The following PXDNL variants were observed in gnomAD, a reference collection of about 807,000 sequenced individuals.
PXDNL encodes the protein probable oxidoreductase PXDNL.
PXDNL carries 145 observed loss-of-function variants against 150.8 expected under a neutral mutation model. The observed-to-expected ratio is 0.96, with a 90% CI of 0.84 to 1.10. The LOEUF (loss-of-function observed/expected upper bound fraction) is 1.10, where lower values mean the gene tolerates loss of function less well. Ranked by LOEUF, PXDNL falls within the 50% of genes least tolerant of loss-of-function variation. The pLI is 0.00. For synonymous variants in PXDNL, 757 were observed against 725.7 expected (o/e 1.04, Z -0.69); for missense variants, 2,087 against 1,873.9 (o/e 1.11, Z -2.10).
chr8:51,425,396 G>A (rs16916243), intron 13 of PXDNL, among the ~76,000 whole-genome samples: 7,797 of 152,242 alleles, frequency 0.051, 337 homozygotes, highest in African/African-American at 0.11. Flanking sequence ...GAGATAGTCT[G>A]CTGATGTGAT....
chr8:51,480,331 G>C (rs1215834753), intron 6 of PXDNL, among the ~76,000 whole-genome samples: 1 of 152,196 alleles, frequency 6.6e-6, no homozygotes, highest in Non-Finnish European at 1.5e-5. Flanking sequence ...GCCAGCATTA[G>C]CTCTGGGGGA....
chr8:51,678,233 A>G (rs1027391621), intron 1 of PXDNL, among the ~76,000 whole-genome samples: 10 of 152,170 alleles, frequency 6.6e-5, no homozygotes, highest in African/African-American at 2.4e-4. Flanking sequence ...GGAGAATTAC[A>G]TTCTTGGGTA....
At chr8:51,324,644 G>T (rs1332043342) in intron 21 of PXDNL, among the ~76,000 whole-genome samples, 2 of 152,100 alleles carry the variant, frequency 1.3e-5, no homozygotes, top group Non-Finnish European at 2.9e-5. Context: ...CTGTTGTTGA[G>T]AATGTATAAT....
At chr8:51,532,409 C>T (rs952553023) in intron 4 of PXDNL, among the ~76,000 whole-genome samples, 2 of 152,232 alleles carry the variant, frequency 1.3e-5, no homozygotes, top group African/African-American at 4.8e-5. Flanking sequence ...CTTCTACAAC[C>T]TTTCTGACAG....
At chr8:51,696,805 TCACACACACACA>T (rs769772282) in intron 1 of PXDNL, among the ~76,000 whole-genome samples, 1 of 26,424 alleles carries the variant, frequency 3.8e-5, no homozygotes, top group Non-Finnish European at 6.7e-5. Context: ...ACATAGGTCT[TCACACACACACA>T]CACACACACA....
chr8:51,524,678 T>C (rs1233737120), intron 4 of PXDNL, among the ~76,000 whole-genome samples: 1 of 152,232 alleles, frequency 6.6e-6, no homozygotes, highest in Non-Finnish European at 1.5e-5. Context: ...ATTAATTTTT[T>C]ACTTATCTTT....
intron 13 of PXDNL, among the ~76,000 whole-genome samples, chr8:51,424,315 A>C (rs568338422): frequency 6.6e-6 from 1 of 152,182 alleles, no homozygotes; most frequent in African/African-American, 2.4e-5. Flanking sequence ...TCTGTAATGA[A>C]CTATGATCAT....
chr8:51,333,254 G>A (rs1188881320), intron 21 of PXDNL, among the ~76,000 whole-genome samples: 1 of 150,772 alleles, frequency 6.6e-6, no homozygotes, highest in African/African-American at 2.5e-5. Context: ...CATATATGAA[G>A]GAAAGATACA....
intron 14 of PXDNL, among the ~76,000 whole-genome samples, chr8:51,420,423 TA>T (rs968776802): frequency 1.6e-4 from 25 of 152,238 alleles, no homozygotes; most frequent in Admixed American, 1.5e-3. Flanking sequence ...CCAAAACTTT[TA>T]AATTTGTATT....
chr8:51,648,336 T>G (rs1164337992), intron 2 of PXDNL, among the ~76,000 whole-genome samples: 1 of 152,212 alleles, frequency 6.6e-6, no homozygotes, highest in African/African-American at 2.4e-5. Flanking sequence ...GAGTGGGCCC[T>G]TAATCCAATC....
At chr8:51,490,060 T>C (rs1179890142) in intron 5 of PXDNL, among the ~76,000 whole-genome samples, 1 of 152,102 alleles carries the variant, frequency 6.6e-6, no homozygotes, top group Non-Finnish European at 1.5e-5. Flanking sequence ...TTTATATAAT[T>C]TGATTGTATA....
At position 51,745,832 on chromosome 8, in the gene PXDNL, C is replaced by T. The variant is rs116437199; in HGVS notation, c.164+63349G>A. Among the ~76,000 whole-genome samples the T allele has an allele frequency of 2.6e-3, 396 of 150,830 alleles. 3 individuals are homozygous for T. The highest frequency in any genetic ancestry group is 9.1e-3 in the African/African-American group (374 of 41,006). ...GTGGTGAGACTGGAGTGCAGTGGTGCGACCTCAGCTCACTACAACCTCTGC... is the reference window on the plus strand; with the variant it reads ...GTGGTGAGACTGGAGTGCAGTGGTGTGACCTCAGCTCACTACAACCTCTGC... On this transcript the variant is annotated intron_variant, in intron 1 of 22. Coordinates refer to ENST00000356297, the MANE Select transcript of PXDNL (RefSeq NM_144651.5).
intron 1 of PXDNL, among the ~76,000 whole-genome samples, chr8:51,728,527 G>A (rs1816860802): frequency 6.6e-6 from 1 of 151,994 alleles, no homozygotes; most frequent in Non-Finnish European, 1.5e-5. Flanking sequence ...TCCTGATCCT[G>A]TGCAGGCCTA....
chr8:51,531,762 TG>T (rs1187419530), intron 4 of PXDNL, among the ~76,000 whole-genome samples: 1 of 152,144 alleles, frequency 6.6e-6, no homozygotes, highest in Non-Finnish European at 1.5e-5. Context: ...TGAAAAGTCT[TG>T]GAGGTGATAG....
chr8:51,405,413 T>G (rs1808410211), intron 17 of PXDNL, among the ~76,000 whole-genome samples: 1 of 152,144 alleles, frequency 6.6e-6, no homozygotes, highest in African/African-American at 2.4e-5. Context: ...TTGCTCCTTT[T>G]GTCTTCCCTC....
At position 51,454,659 on chromosome 8, in the gene PXDNL, C is replaced by A. The variant is rs1181519119; in HGVS notation, c.983-874G>T. Among the ~76,000 whole-genome samples, 9 of 151,986 alleles carry A rather than the reference C, an allele frequency of 5.9e-5. No individual in the cohort carries two copies. In the South Asian group the frequency reaches 1.9e-3, roughly 32 times the overall value. ...TCTAAGTTTGGGGAAGGGGGATCAACCATTCCTGAGATGAACATATTCTGG... is the reference window on the plus strand; with the variant it reads ...TCTAAGTTTGGGGAAGGGGGATCAAACATTCCTGAGATGAACATATTCTGG... On this transcript the variant is annotated intron_variant, in intron 9 of 22. Coordinates refer to ENST00000356297, the MANE Select transcript of PXDNL (RefSeq NM_144651.5).
At chr8:51,787,471 G>A (rs768527957) in intron 1 of PXDNL, among the ~76,000 whole-genome samples, 7 of 152,150 alleles carry the variant, frequency 4.6e-5, no homozygotes, top group South Asian at 4.1e-4. Flanking sequence ...TTTAACCCTC[G>A]GGGATGACTT....
Position 51,348,331 on chromosome 8 carries a change from A to G in PXDNL, c.3902-2384T>C, listed in dbSNP as rs182673471. Among the ~76,000 whole-genome samples, 6 of 152,344 alleles carry G rather than the reference A, an allele frequency of 3.9e-5. No individual in the cohort carries two copies. The East Asian group carries it at 1.2e-3, about 29-fold the overall frequency. ...AAGGTCATATAAATAAAACCCAAAA[A>G]GCAAAGAATCATGTATATAACACTG... On this transcript the variant is annotated intron_variant, in intron 19 of 22. Transcript: ENST00000356297.
intron 3 of PXDNL, among the ~76,000 whole-genome samples, chr8:51,591,842 T>A (rs1228849256): frequency 1.3e-5 from 2 of 152,176 alleles, no homozygotes; most frequent in Admixed American, 1.3e-4. Context: ...ATGGTCTCCA[T>A]CTCCTGACCT....
Sources: gnomAD v4.1 joint callset for allele counts (sites outside exome capture counted in the v4.1 genomes callset) on GRCh38, gnomAD v4.1.1 for gene constraint, MANE v1.5 for transcripts, NCBI Gene and HGNC (gene_info 2026-07-23, HGNC 2026-07-21) for gene names.